Variants in GLIS3 observed in about 807,000 individuals in gnomAD.
GLIS3 encodes zinc finger protein GLIS3.
A neutral mutation model predicts 78.6 loss-of-function variants in GLIS3; 53 were observed. The ratio of observed to expected loss-of-function variants is 0.67; its 90% CI spans 0.54 to 0.85. The LOEUF (loss-of-function observed/expected upper bound fraction) is 0.85, where lower values mean the gene tolerates loss of function less well. GLIS3 is among the 40% of genes least tolerant of loss of function. GLIS3 has a pLI of 0.00. For missense variants in GLIS3, 1,703 were observed against 1,231.1 expected (o/e 1.38, Z -5.74); for synonymous variants, 684 against 509.9 (o/e 1.34, Z -4.60).
intron 2 of GLIS3, among the ~76,000 whole-genome samples, chr9:4,137,329 G>C (rs1273809222): frequency 6.6e-6 from 1 of 152,110 alleles, no homozygotes; most frequent in African/African-American, 2.4e-5. Flanking sequence ...AGTTCAGCTT[G>C]AATCTTCCAT....
the GLIS3 span, among the ~76,000 whole-genome samples, chr9:4,457,231 C>T: frequency 1.3e-5 from 2 of 151,982 alleles, no homozygotes; most frequent in African/African-American, 2.4e-5. Flanking sequence ...CTTGGTGGCA[C>T]ACACTTGTAG....
the GLIS3 span, among the ~76,000 whole-genome samples, chr9:4,477,239 A>C: frequency 6.6e-6 from 1 of 152,002 alleles, no homozygotes; most frequent in Non-Finnish European, 1.5e-5. Flanking sequence ...TTACAAAGGA[A>C]GGAAATTCTG....
chr9:4,177,527 T>A (rs1816918206), intron 2 of GLIS3, among the ~76,000 whole-genome samples: 1 of 152,118 alleles, frequency 6.6e-6, no homozygotes, highest in African/African-American at 2.4e-5. Flanking sequence ...TTCTCCTCAT[T>A]CACTCAACTC....
rs148670339 is a variant in GLIS3, at chr9:4,072,957, T to G, written c.1710+44811A>C. Among the ~76,000 whole-genome samples, 532 of 152,252 alleles carry G rather than the reference T, an allele frequency of 3.5e-3. 3 individuals are homozygous for G. Among genetic ancestry groups the G allele is most frequent in the Admixed American group, 7.1e-3 (109 of 15,276 alleles). On this transcript the variant is annotated intron_variant, in intron 4 of 10. Coordinates refer to ENST00000381971, the MANE Select transcript of GLIS3 (RefSeq NM_001042413.2). ...AACTCTTAAATAAAAGCATATGCTTTAACTATACAGCATGATGTTTGTATT... is the reference window on the plus strand; with the variant it reads ...AACTCTTAAATAAAAGCATATGCTTGAACTATACAGCATGATGTTTGTATT...
intron 9 of GLIS3, among the ~76,000 whole-genome samples, chr9:3,837,932 T>C (rs117439959): frequency 6.6e-5 from 10 of 151,966 alleles, no homozygotes; most frequent in Non-Finnish European, 5.9e-5. Flanking sequence ...TGTAGGTTTA[T>C]TGATTGTAAC....
intron 4 of GLIS3, among the ~76,000 whole-genome samples, chr9:4,022,596 A>G (rs1415024801): frequency 5.3e-5 from 8 of 152,204 alleles, no homozygotes. Flanking sequence ...GAGAAATGCA[A>G]ACATCTGTCC....
intron 1 of GLIS3, among the ~76,000 whole-genome samples, chr9:4,296,392 C>T (rs1816509885): frequency 6.6e-6 from 1 of 151,786 alleles, no homozygotes; most frequent in Non-Finnish European, 1.5e-5. Flanking sequence ...TAATACAAAA[C>T]GTTTTCTGGG....
At chr9:3,921,946 A>ACACACT (rs781479104) in intron 6 of GLIS3, among the ~76,000 whole-genome samples, 8 of 151,462 alleles carry the variant, frequency 5.3e-5, no homozygotes, top group South Asian at 2.1e-4. Flanking sequence ...ACACACACAC[A>ACACACT]CTCACACTTC....
intron 8 of GLIS3, among the ~76,000 whole-genome samples, chr9:3,861,818 T>C (rs1350119428): frequency 6.6e-6 from 1 of 151,994 alleles, no homozygotes; most frequent in African/African-American, 2.4e-5. Flanking sequence ...TCAGGAAAAA[T>C]AGCTAATGCA....
chr9:3,986,847 C>A (rs1469618849), intron 4 of GLIS3, among the ~76,000 whole-genome samples: 1 of 152,196 alleles, frequency 6.6e-6, no homozygotes, highest in African/African-American at 2.4e-5. Context: ...GGGTGTCTGC[C>A]TGCTAAAGTA....
rs1365855992 is a variant in GLIS3, at chr9:3,825,869, C to G, written c.*2403G>C. 1 of 152,250 alleles carries G rather than the reference C, an allele frequency of 6.6e-6. No homozygotes were observed. The highest frequency in any genetic ancestry group is 1.5e-5 in the Non-Finnish European group (1 of 68,130). 9.4% of individuals were successfully genotyped at this position (152,250 alleles called of 1,614,324 possible). A position where few individuals can be genotyped will look rare whatever the true frequency, so the allele number is the denominator to read the frequency against. On this transcript the variant is annotated 3_prime_UTR_variant, in exon 11 of 11. Transcript: ENST00000381971. Reference sequence around the variant, plus strand: ...GCATGCTCTCTCTGAGATAAAATGTCCCTCTGGGGCTCCACATTGATTTCC... The same window carrying G: ...GCATGCTCTCTCTGAGATAAAATGTGCCTCTGGGGCTCCACATTGATTTCC...
chr9:4,478,310 A>G, the GLIS3 span, among the ~76,000 whole-genome samples: 1 of 152,112 alleles, frequency 6.6e-6, no homozygotes, highest in Non-Finnish European at 1.5e-5. Flanking sequence ...TTGTACTAAT[A>G]CTTTAAAAAT....
chr9:4,029,368 G>C (rs1247972386), intron 4 of GLIS3, among the ~76,000 whole-genome samples: 4 of 151,772 alleles, frequency 2.6e-5, no homozygotes, highest in East Asian at 1.9e-4. Flanking sequence ...GGGTACATGA[G>C]ATGCGTTGAT....
At chr9:4,412,638 T>C in the GLIS3 span, among the ~76,000 whole-genome samples, 1 of 152,192 alleles carries the variant, frequency 6.6e-6, no homozygotes, top group South Asian at 2.1e-4. Flanking sequence ...ATTCTGATAA[T>C]TGTAAAAAAG....
chr9:4,474,659 T>C, the GLIS3 span, among the ~76,000 whole-genome samples: 3 of 151,746 alleles, frequency 2.0e-5, no homozygotes, highest in African/African-American at 7.2e-5. Flanking sequence ...ATTTTTTTTA[T>C]TTTTTCTTTT....
chr9:4,154,802 T>A (rs1834930937), intron 2 of GLIS3, among the ~76,000 whole-genome samples: 1 of 152,118 alleles, frequency 6.6e-6, no homozygotes, highest in Admixed American at 6.5e-5. Context: ...GACCAAATAA[T>A]CTACCCTATG....
chr9:3,936,497 C>T (rs1277802726), intron 5 of GLIS3, among the ~76,000 whole-genome samples: 1 of 152,038 alleles, frequency 6.6e-6, no homozygotes, highest in African/African-American at 2.4e-5. Flanking sequence ...ACTGTTTCTT[C>T]TTAGATCAGC....
At chr9:3,840,331 G>C (rs1818636048) in intron 9 of GLIS3, among the ~76,000 whole-genome samples, 1 of 152,036 alleles carries the variant, frequency 6.6e-6, no homozygotes, top group African/African-American at 2.4e-5. Flanking sequence ...TATCATTTTT[G>C]CCTTGGCTGC....
At chr9:4,391,152 T>C in the GLIS3 span, among the ~76,000 whole-genome samples, 27 of 152,186 alleles carry the variant, frequency 1.8e-4, no homozygotes, top group African/African-American at 5.8e-4. Flanking sequence ...TTCTGCTGCC[T>C]CTGGCTTTAC....
Sources: allele counts gnomAD v4.1 joint callset (sites outside exome capture counted in the v4.1 genomes callset), GRCh38; gene constraint gnomAD v4.1.1; transcripts MANE v1.5; gene names NCBI Gene and HGNC (gene_info 2026-07-23, HGNC 2026-07-21).